Variants in RGS3 observed in about 807,000 individuals in gnomAD.
RGS3 encodes the protein regulator of G protein signaling 3, also known as regulator of G-protein signalling 3.
A neutral mutation model predicts 132.6 loss-of-function variants in RGS3; 80 were observed. The ratio of observed to expected loss-of-function variants is 0.60; its 90% CI spans 0.50 to 0.73. The LOEUF (loss-of-function observed/expected upper bound fraction) is 0.73, where lower values mean the gene tolerates loss of function less well. Among genes scored for constraint, RGS3 ranks in the 30% least tolerant of loss-of-function variants. RGS3 has a pLI of 0.00. For missense variants in RGS3, 1,382 were observed against 1,530.8 expected (o/e 0.90, Z 1.62); for synonymous variants, 598 against 620.6 (o/e 0.96, Z 0.54).
intron 6 of RGS3, 108 bp downstream of exon 4, chr9:113,484,340 A>AC (rs1830261098): frequency 6.0e-6 from 3 of 501,998 alleles, no homozygotes; most frequent in African/African-American, 2.3e-5. Flanking sequence ...AAAAAAAAAA[A>AC]AAAAAAAAAC....
chr9:113,582,518 C>T (rs1834876186), intron 19 of RGS3: 1 of 152,240 alleles, frequency 6.6e-6, no homozygotes, highest in African/African-American at 2.4e-5. Context: ...CATTCCTGGT[C>T]CTTGACTGGG....
intron 10 of RGS3, 127 bp downstream of exon 8, chr9:113,498,207 G>A (rs1301245875): frequency 1.1e-5 from 8 of 740,476 alleles, no homozygotes; most frequent in Non-Finnish European, 1.2e-5. Context: ...GTACTCAGAA[G>A]GAATAATTTC....
At chr9:113,484,181 C>A in exon 6 of RGS3, 2 of 1,613,166 alleles carry the variant, frequency 1.2e-6, no homozygotes, top group Non-Finnish European at 1.7e-6. Context: ...CACCAGAAGA[C>A]GCAGACCGTT....
In RGS3 at chr9:113,517,227, G is replaced by C. The variant is rs190554119; in HGVS notation, c.1675-314G>C. ...GAGGGCCCAGGAGCCCAGTGCAGTG[G>C]GGGGTGAGAGCTGGGGCTGAGGACT... On this transcript the variant is annotated intron_variant, in intron 15 of 24. Transcript: ENST00000350696. 175 of 523,926 alleles carry C rather than the reference G, an allele frequency of 3.3e-4. No homozygotes were observed. In the East Asian group the frequency reaches 8.0e-3, roughly 24 times the overall value. 32.5% of individuals were successfully genotyped at this position (523,926 alleles called of 1,614,324 possible).
intron 6 of RGS3, 43 bp downstream of exon 4, chr9:113,484,275 G>C: frequency 7.4e-6 from 7 of 944,610 alleles, no homozygotes; most frequent in South Asian, 2.6e-5. Flanking sequence ...GAGAGGGAAG[G>C]AGTGTTTATC....
At chr9:113,562,897 T>A (rs925953166) in intron 19 of RGS3, among the ~76,000 whole-genome samples, 5 of 152,170 alleles carry the variant, frequency 3.3e-5, no homozygotes, top group Admixed American at 2.6e-4. Context: ...CAGTGAAAGA[T>A]CTCCAAGGGC....
intron 17 of RGS3, among the ~76,000 whole-genome samples, chr9:113,527,052 C>T (rs538500488): frequency 1.3e-4 from 20 of 152,344 alleles, no homozygotes; most frequent in African/African-American, 4.8e-4. Flanking sequence ...TTCCGTCCTC[C>T]TCTCAAAGTA....
chr9:113,497,265 G>A (rs1830717100), intron 8 of RGS3, 49 bp from the exon 7 acceptor site: 1 of 1,476,984 alleles, frequency 6.8e-7, no homozygotes, highest in Non-Finnish European at 9.4e-7. Flanking sequence ...TGCCTGACCT[G>A]TGCTTCTGCC....
Position 113,572,608 on chromosome 9 carries a change from T to G in RGS3, c.2038-10842T>G, listed in dbSNP as rs562347075. ...AGTGGGGCAGACTGGGGCAGACAGA[T>G]AAGGCAAGGGTGTGTATCTGGAAAG... On this transcript the variant is annotated intron_variant, in intron 19 of 24. Coordinates refer to ENST00000350696, the Ensembl canonical transcript of RGS3. Among the ~76,000 whole-genome samples the G allele has an allele frequency of 2.1e-4, 32 of 152,320 alleles. No homozygotes were observed. In the South Asian group the frequency reaches 5.0e-3, roughly 24 times the overall value.
intron 20 of RGS3, among the ~76,000 whole-genome samples, chr9:113,590,795 G>C (rs1253346738): frequency 6.6e-6 from 1 of 152,172 alleles, no homozygotes; most frequent in Non-Finnish European, 1.5e-5. Flanking sequence ...GTGTTACGGA[G>C]TTTGAATGTT....
rs1302546843 is a variant in RGS3 at position 113,567,245 on chromosome 9, C to T, written c.2038-16205C>T. Among the ~76,000 whole-genome samples, 7 of 152,008 alleles carry T rather than the reference C, an allele frequency of 4.6e-5. 1 individual carries two copies. Among genetic ancestry groups the T allele is most frequent in the Admixed American group, 1.3e-4 (2 of 15,250 alleles). ...CTCCCCTCCCCTCCCCTCCCCTCCC[C>T]CTCCATGTCTTATTTTATCCAAACT... On this transcript the variant is annotated intron_variant, in intron 19 of 24. Coordinates refer to ENST00000350696, the Ensembl canonical transcript of RGS3.
rs527335754 is a variant in RGS3 at position 113,466,141 on chromosome 9, G to C, written c.415+3940G>C. On this transcript the variant is annotated intron_variant, in intron 3 of 24. Coordinates refer to ENST00000350696, the Ensembl canonical transcript of RGS3. ...ATGAACACTTAAGAAGCCATAGAGC[G>C]TTCAGACTGTCATCCAGGTTTGGAA... Among the ~76,000 whole-genome samples the C allele has an allele frequency of 3.1e-4, 47 of 152,328 alleles. 1 individual carries two copies. In the South Asian group the frequency reaches 3.9e-3, roughly 13 times the overall value.
At chr9:113,447,091 C>T (rs1189762430) in intron 1 of RGS3, among the ~76,000 whole-genome samples, 1 of 151,150 alleles carries the variant, frequency 6.6e-6, no homozygotes, top group Non-Finnish European at 1.5e-5. Flanking sequence ...GAAACCCTGT[C>T]TCTACTAAAA....
intron 19 of RGS3, among the ~76,000 whole-genome samples, chr9:113,540,057 A>G (rs897687112): frequency 6.6e-6 from 1 of 151,958 alleles, no homozygotes; most frequent in Non-Finnish European, 1.5e-5. Flanking sequence ...AAATAAATGA[A>G]CTACTTTCTC....
intron 10 of RGS3, among the ~76,000 whole-genome samples, chr9:113,499,228 A>C (rs1187163225): frequency 6.8e-6 from 1 of 147,154 alleles, no homozygotes; most frequent in Non-Finnish European, 1.5e-5. Context: ...TTCCATCTCA[A>C]AAAAAAAAAA....
At chr9:113,568,882 TG>T (rs907831147) in intron 19 of RGS3, among the ~76,000 whole-genome samples, 48 of 152,288 alleles carry the variant, frequency 3.2e-4, no homozygotes, top group Admixed American at 1.6e-3. Context: ...GGAGTGGGGA[TG>T]GGGGCAGGAT....
At position 113,595,619 on chromosome 9, in the gene RGS3, G is replaced by A. The variant is rs758031076; in HGVS notation, c.3265G>A (p.Ala1089Thr). Residue 1089 changes from alanine (A) to threonine (T), a missense_variant, in exon 24 of 25, where the codon GCC (alanine) becomes ACC (threonine). Ala to Thr is a moderately conservative substitution (Grantham distance 58, BLOSUM62 0). Transcript: ENST00000350696. ...CACAGACGGGTTAGCAGTGTTCCAAGCCTTCCTTCGCACTGAGTTCAGTGA... is the reference window on the plus strand; with the variant it reads ...CACAGACGGGTTAGCAGTGTTCCAAACCTTCCTTCGCACTGAGTTCAGTGA... 1.4e-5 allele frequency: 23 copies of A among 1,614,056 alleles called. No homozygotes were observed. In the Admixed American group the frequency reaches 2.0e-4, roughly 14 times the overall value.
In RGS3 at chr9:113,565,049, G is replaced by C; in HGVS notation, c.2038-18401G>C. 2 of 1,132,254 alleles carry C rather than the reference G, an allele frequency of 1.8e-6. No individual in the cohort carries two copies. Among genetic ancestry groups the C allele is most frequent in the South Asian group, 3.8e-5 (2 of 52,260 alleles). The allele number at this position is 1,132,254 out of a possible 1,614,324, so 70.1% of individuals were successfully genotyped here. Reference sequence around the variant, plus strand: ...GATGTGTGTGGGGTGGAGCCTGCTAGGGATCCCAGTGCCAGGGGGTGCCGT... The same window carrying C: ...GATGTGTGTGGGGTGGAGCCTGCTACGGATCCCAGTGCCAGGGGGTGCCGT... On this transcript the variant is annotated intron_variant, in intron 19 of 24. Transcript: ENST00000350696. This position sits in a 1 kb window ranked among gnomAD's most constrained non-coding sequence, Gnocchi z 5.7.
chr9:113,489,071 CTCA>C (rs1000917107), intron 7 of RGS3, among the ~76,000 whole-genome samples: 1 of 152,190 alleles, frequency 6.6e-6, no homozygotes, highest in African/African-American at 2.4e-5. Flanking sequence ...TCATTTTATC[CTCA>C]TCATGATCCT....
Sources: gnomAD v4.1 joint callset for allele counts (sites outside exome capture counted in the v4.1 genomes callset) on GRCh38, gnomAD v4.1.1 for gene constraint, Gnocchi (gnomAD v3.1) non-coding constraint, MANE v1.5 for transcripts, NCBI Gene and HGNC (gene_info 2026-07-23, HGNC 2026-07-21) for gene names.